The following CSMD1 variants were observed in gnomAD, a reference collection of about 807,000 sequenced individuals.
CSMD1 encodes CUB and sushi domain-containing protein 1.
Under a neutral mutation model 417.5 loss-of-function variants are expected in CSMD1, and 213 were observed. The observed-to-expected ratio is 0.51, with a 90% CI of 0.46 to 0.57. CSMD1 has a LOEUF of 0.57. Ranked by LOEUF, CSMD1 falls within the 20% of genes least tolerant of loss-of-function variation. The pLI is 0.00. For synonymous variants in CSMD1, 2,862 were observed against 1,736.8 expected (o/e 1.65, Z -16.11); for missense variants, 6,923 against 4,529.7 (o/e 1.53, Z -15.17).
At chr8:3,566,203 AGGAGGAGGAGAG>A (rs1376174713) in intron 10 of CSMD1, among the ~76,000 whole-genome samples, 2 of 152,078 alleles carry the variant, frequency 1.3e-5, no homozygotes, top group Non-Finnish European at 2.9e-5. Flanking sequence ...GACAAGGAAA[AGGAGGAGGAGAG>A]GGAAGAGGAA....
chr8:4,405,468 T>C (rs1018145293), intron 3 of CSMD1, among the ~76,000 whole-genome samples: 1 of 152,106 alleles, frequency 6.6e-6, no homozygotes, highest in Non-Finnish European at 1.5e-5. Flanking sequence ...TCTATAGTTG[T>C]GTTTGAAAGA....
chr8:4,158,288 A>C, intron 3 of CSMD1, among the ~76,000 whole-genome samples: 1 of 152,080 alleles, frequency 6.6e-6, no homozygotes, highest in East Asian at 1.9e-4. Flanking sequence ...AAACAACAGA[A>C]GTACATGTCA....
Position 3,700,808 on chromosome 8 carries a change from T to G in CSMD1, c.1009+7606A>C, listed in dbSNP as rs183609643. Among the ~76,000 whole-genome samples, 208 of 150,756 alleles carry G rather than the reference T, an allele frequency of 1.4e-3. 2 individuals carry two copies. Among genetic ancestry groups the G allele is most frequent in the African/African-American group, 4.9e-3 (200 of 41,006 alleles). On this transcript the variant is annotated intron_variant, in intron 7 of 69. Transcript: ENST00000635120. ...GGATGCAAGGGTGGGAGCAAAGGAG[T>G]TCTTTGGGTCTTCATAAGGAATTTG...
At chr8:2,962,390 T>C in intron 61 of CSMD1, 76 bp downstream of exon 61, 1 of 1,329,064 alleles carries the variant, frequency 7.5e-7, no homozygotes, top group Non-Finnish European at 1.0e-6. Flanking sequence ...TAATCACAAA[T>C]GACCCAATTT....
chr8:3,726,174 G>A (rs896596993), intron 6 of CSMD1, among the ~76,000 whole-genome samples: 2 of 152,062 alleles, frequency 1.3e-5, no homozygotes, highest in African/African-American at 2.4e-5. Flanking sequence ...ATCTCCACAC[G>A]AATCAGCTCT....
chr8:4,979,002 A>G (rs1384100537), intron 1 of CSMD1, among the ~76,000 whole-genome samples: 2 of 152,172 alleles, frequency 1.3e-5, no homozygotes, highest in Non-Finnish European at 2.9e-5. Context: ...AAACCTTAAA[A>G]ATCTACTTTG....
chr8:3,681,920 G>C (rs966442470), intron 7 of CSMD1, among the ~76,000 whole-genome samples: 1 of 152,134 alleles, frequency 6.6e-6, no homozygotes. Context: ...TGACAAATCT[G>C]ACAAAAACAA....
intron 1 of CSMD1, among the ~76,000 whole-genome samples, chr8:4,814,380 G>A (rs1443909364): frequency 6.6e-6 from 1 of 152,084 alleles, no homozygotes; most frequent in African/African-American, 2.4e-5. Context: ...CGAGTAGCTG[G>A]GATTATAAGC....
At chr8:4,959,233 A>G (rs898963809) in intron 1 of CSMD1, among the ~76,000 whole-genome samples, 1 of 152,126 alleles carries the variant, frequency 6.6e-6, no homozygotes, top group Non-Finnish European at 1.5e-5. Context: ...CTTGTTATGT[A>G]TTTTTAAAAT....
At chr8:3,625,496 T>C (rs995831372) in intron 7 of CSMD1, among the ~76,000 whole-genome samples, 2 of 152,152 alleles carry the variant, frequency 1.3e-5, no homozygotes, top group Admixed American at 6.6e-5. Context: ...TCACCTATTA[T>C]CATAATTCAT....
rs774156708 is a variant in CSMD1 at position 2,938,540 on chromosome 8, C to A, written c.*45G>T. 6.4e-7 allele frequency: 1 copy of A among 1,566,524 alleles called. No homozygotes were observed. The highest frequency in any genetic ancestry group is 8.7e-7 in the Non-Finnish European group (1 of 1,150,370). On this transcript the variant is annotated 3_prime_UTR_variant, in exon 70 of 70. Coordinates refer to ENST00000635120, the MANE Select transcript of CSMD1 (RefSeq NM_033225.6). ...GGCACCAAAGGAATCACTGCTTGTCCATCAGAGGTATGGCTATGAATCAGT... is the reference window on the plus strand; with the variant it reads ...GGCACCAAAGGAATCACTGCTTGTCAATCAGAGGTATGGCTATGAATCAGT...
chr8:4,633,478 T>C (rs919921032), intron 2 of CSMD1, among the ~76,000 whole-genome samples: 1 of 152,116 alleles, frequency 6.6e-6, no homozygotes, highest in African/African-American at 2.4e-5. Flanking sequence ...CTCGATCTAC[T>C]GACCTCGTGA....
intron 2 of CSMD1, among the ~76,000 whole-genome samples, chr8:4,563,755 C>G (rs1259746252): frequency 6.6e-6 from 1 of 152,170 alleles, no homozygotes; most frequent in Non-Finnish European, 1.5e-5. Flanking sequence ...GTTAACATGA[C>G]TAGACCATCG....
chr8:3,829,178 T>A (rs1055223737), intron 5 of CSMD1, among the ~76,000 whole-genome samples: 1 of 152,142 alleles, frequency 6.6e-6, no homozygotes. Context: ...TCCCTCGCCC[T>A]CCTTTCACTT....
chr8:3,296,314 C>A (rs1050674725), intron 25 of CSMD1, among the ~76,000 whole-genome samples: 3 of 151,708 alleles, frequency 2.0e-5, no homozygotes, highest in Admixed American at 2.0e-4. Context: ...GGCATACCGT[C>A]CGCATTTGAG....
intron 4 of CSMD1, among the ~76,000 whole-genome samples, chr8:4,013,249 C>G (rs895238543): frequency 6.6e-6 from 1 of 152,154 alleles, no homozygotes; most frequent in South Asian, 2.1e-4. Context: ...CTCTGACTGT[C>G]TCTCCTACAA....
chr8:3,856,357 G>C (rs182791471), intron 5 of CSMD1, among the ~76,000 whole-genome samples: 1 of 152,082 alleles, frequency 6.6e-6, no homozygotes, highest in African/African-American at 2.4e-5. Flanking sequence ...TGTACAGCCC[G>C]CAGAACCGTG....
intron 5 of CSMD1, among the ~76,000 whole-genome samples, chr8:3,934,651 C>T (rs1584992930): frequency 1.3e-5 from 2 of 151,958 alleles, no homozygotes; most frequent in South Asian, 2.1e-4. Flanking sequence ...GTCAGGAGTT[C>T]GAGACCAGCC....
intron 7 of CSMD1, among the ~76,000 whole-genome samples, chr8:3,675,996 A>G (rs894740142): frequency 2.0e-5 from 3 of 152,146 alleles, no homozygotes; most frequent in Admixed American, 6.6e-5. Flanking sequence ...ACTCTGTAAT[A>G]GTTTACTGGT....
Sources: gnomAD v4.1 joint callset for allele counts (sites outside exome capture counted in the v4.1 genomes callset) on GRCh38, gnomAD v4.1.1 for gene constraint, MANE v1.5 for transcripts, NCBI Gene and HGNC (gene_info 2026-07-23, HGNC 2026-07-21) for gene names.